Variants in USO1 observed in about 807,000 individuals in gnomAD.
The protein encoded by USO1 is general vesicular transport factor p115.
USO1 carries 57 observed loss-of-function variants against 124.5 expected under a neutral mutation model. The ratio of observed to expected loss-of-function variants is 0.46; its 90% CI spans 0.37 to 0.57. The LOEUF is 0.57. USO1 is among the 20% of genes least tolerant of loss of function. The probability of loss-of-function intolerance (pLI) is 0.00; values close to 1 mark genes in which losing one functional copy is unlikely to be tolerated. For missense variants in USO1, 900 were observed against 1,040.6 expected, an observed-to-expected ratio of 0.86 and a Z score of 1.86; for synonymous variants, 369 against 362.8, an observed-to-expected ratio of 1.02 and a Z score of -0.19.
At position 75,724,819 on chromosome 4, in the gene USO1, G is replaced by A; in HGVS notation, c.-1G>A. On this transcript the variant is annotated 5_prime_UTR_variant, in exon 1 of 24. Transcript: ENST00000514213. ...GGTAAACCTGGTGGCTGAACGGCAA[G>A]ATGAATTTCCTCCGCGGGGTAATGG... The A allele has an allele frequency of 1.9e-6, 3 of 1,613,924 alleles. No individual in the cohort carries two copies. Among genetic ancestry groups the A allele is most frequent in the South Asian group, 2.2e-5 (2 of 91,074 alleles).
chr4:75,812,292 C>T lies in USO1; in HGVS notation c.2716C>T (p.Gln906Ter). ...GGAAATTACAGATTCTAAAAAAGAACAAGATGATCTCTTGGTGCTCTTGGC... is the reference window on the plus strand; with the variant it reads ...GGAAATTACAGATTCTAAAAAAGAATAAGATGATCTCTTGGTGCTCTTGGC... The part of the protein sequence containing the change: ...ELEITDSKKE[Q>*]DDLLVLLADQ... The change falls in exon 23 of 24, where the codon CAA becomes TAA. Residue 906 changes from glutamine to a stop codon, truncating the protein, a stop_gained. Coordinates refer to ENST00000514213, the MANE Select transcript of USO1 (RefSeq NM_003715.4). LOFTEE classifies it high-confidence loss of function. 1.2e-6 allele frequency: 2 copies of T among 1,607,258 alleles called. No individual in the cohort carries two copies. The highest frequency in any genetic ancestry group is 1.7e-6 in the Non-Finnish European group (2 of 1,176,638).
chr4:75,770,701 TA>T, intron 5 of USO1, 120 bp from the exon 6 acceptor site: 2 of 790,106 alleles, frequency 2.5e-6, no homozygotes. Context: ...TGTAATCACT[TA>T]AAGTATGCTA....
intron 4 of USO1, among the ~76,000 whole-genome samples, chr4:75,763,057 C>A (rs80305880): frequency 2.2e-4 from 34 of 152,298 alleles, no homozygotes; most frequent in African/African-American, 7.2e-4. Context: ...AAAGCAATTT[C>A]TTTTCTTCAT....
chr4:75,753,304 C>A (rs1721340389), intron 3 of USO1, among the ~76,000 whole-genome samples: 1 of 151,890 alleles, frequency 6.6e-6, no homozygotes, highest in Non-Finnish European at 1.5e-5. Context: ...GAAGCCGAGG[C>A]AGGTGGATTA....
intron 1 of USO1, chr4:75,745,341 G>C (rs961110806): frequency 1.9e-6 from 1 of 519,858 alleles, no homozygotes; most frequent in South Asian, 1.4e-5. Flanking sequence ...GGCTTGTCAG[G>C]GTGTTTAGTA....
At chr4:75,807,196 A>G (rs750263590) in intron 20 of USO1, among the ~76,000 whole-genome samples, 2 of 152,166 alleles carry the variant, frequency 1.3e-5, no homozygotes, top group Non-Finnish European at 2.9e-5. Flanking sequence ...AAAAGAATCA[A>G]AAGAGAGAAA....
At position 75,787,092 on chromosome 4, in the gene USO1, C is replaced by T; in HGVS notation, c.886C>T (p.Pro296Ser). The change falls in exon 10 of 24, where the codon CCT (proline) becomes TCT (serine). Residue 296 changes from proline (P) to serine (S), a missense_variant. This residue lies in a region of USO1 where 538 missense variants were observed against 681.6 expected (regional missense o/e 0.79). Transcript: ENST00000514213. Reference protein sequence around the residue: ...LVRVLVSPTNPPGATSSCQKA... With the variant: ...LVRVLVSPTNSPGATSSCQKA... ...TCGTGTATTGGTATCTCCCACCAAC[C>T]CTCCTGGTGCTACCAGTAGCTGCCA... is the stretch of plus-strand genomic sequence containing the variant. 6.2e-7 allele frequency: 1 copy of T among 1,600,248 alleles called. No individual in the cohort carries two copies. Among genetic ancestry groups the T allele is most frequent in the South Asian group, 1.1e-5 (1 of 88,668 alleles).
At chr4:75,783,707 A>G (rs13110602) in intron 9 of USO1, among the ~76,000 whole-genome samples, 79,694 of 151,916 alleles carry the variant, frequency 0.52, 22,980 homozygotes, top group East Asian at 0.81. Context: ...TAGGACTGAT[A>G]ATTAGGGTAA....
chr4:75,761,908 A>G (rs1721618200), intron 4 of USO1, among the ~76,000 whole-genome samples: 2 of 152,194 alleles, frequency 1.3e-5, no homozygotes, highest in Non-Finnish European at 2.9e-5. Context: ...CTTGTTTGAC[A>G]TCAGATGATA....
intron 1 of USO1, chr4:75,725,095 C>T (rs1577915562): frequency 4.9e-6 from 3 of 609,680 alleles, no homozygotes; most frequent in South Asian, 2.0e-5. Flanking sequence ...TTCGGCCGGA[C>T]TGACGGCGGC....
At chr4:75,732,743 G>A (rs1297862010) in intron 1 of USO1, among the ~76,000 whole-genome samples, 1 of 151,618 alleles carries the variant, frequency 6.6e-6, no homozygotes, top group African/African-American at 2.4e-5. Context: ...TGGGCATGGT[G>A]GCACCTGTGC....
At chr4:75,790,345 T>C in intron 11 of USO1, 107 bp downstream of exon 11, 1 of 1,387,262 alleles carries the variant, frequency 7.2e-7, no homozygotes, top group African/African-American at 1.5e-5. Flanking sequence ...TAGTTGTATG[T>C]TTTGGAACTA....
Position 75,770,422 on chromosome 4 carries a change from A to C in USO1, c.296-17A>C, listed in dbSNP as rs1289258807. The C allele has an allele frequency of 7.3e-6, 11 of 1,510,192 alleles. No individual in the cohort carries two copies. The highest frequency in any genetic ancestry group is 9.7e-6 in the Non-Finnish European group (11 of 1,128,496). 93.5% of individuals were successfully genotyped at this position (1,510,192 alleles called of 1,614,324 possible). ...ACCTACTATTAAATTGAAATTCTTT[A>C]TTTTTGAATATTACAGAAGAAAATT... On this transcript the variant is annotated splice_polypyrimidine_tract_variant and intron_variant, in intron 4 of 23. Transcript: ENST00000514213.
intron 4 of USO1, among the ~76,000 whole-genome samples, chr4:75,765,088 A>G (rs1243867215): frequency 6.6e-6 from 1 of 152,202 alleles, no homozygotes; most frequent in Non-Finnish European, 1.5e-5. Context: ...CATGATTTTT[A>G]AAGTTATATA....
chr4:75,793,886 C>T lies in USO1; in HGVS notation c.1437C>T (p.Thr479=), dbSNP rs544263216. The part of the protein sequence containing the change: ...NPPVSLLQQC[T]NILSQGSKIQ... ...CAGTTTCTTTACTTCAACAGTGCAC[C>T]AATATTCTTTCACAGGTAAAGTTTT... The change falls in exon 13 of 24, where the codon ACC becomes ACT. Residue 479 remains threonine, a synonymous_variant. Coordinates refer to ENST00000514213, the MANE Select transcript of USO1 (RefSeq NM_003715.4). 2.5e-6 allele frequency: 4 copies of T among 1,613,730 alleles called. 1 individual carries two copies. The highest frequency in any genetic ancestry group is 4.5e-5 in the East Asian group (2 of 44,880).
chr4:75,771,155 A>C lies in USO1; in HGVS notation c.555+18A>C, dbSNP rs917228010. On this transcript the variant is annotated intron_variant, in intron 7 of 23. Coordinates refer to ENST00000514213, the MANE Select transcript of USO1 (RefSeq NM_003715.4). ...GTAATGATGTAAGTTAAATTTCAAA[A>C]AGAAATACAAAAATATGTGGCTTTT... The C allele has an allele frequency of 4.4e-6, 7 of 1,586,742 alleles. No individual in the cohort carries two copies. The South Asian group carries it at 8.2e-5, about 19-fold the overall frequency.
chr4:75,765,284 G>A (rs1420211674), intron 4 of USO1, among the ~76,000 whole-genome samples: 4 of 151,984 alleles, frequency 2.6e-5, no homozygotes, highest in African/African-American at 9.7e-5. Context: ...TTCCCAATGG[G>A]CCCTTTTTGT....
At chr4:75,747,308 GCT>G (rs1167309916) in intron 1 of USO1, among the ~76,000 whole-genome samples, 4 of 152,096 alleles carry the variant, frequency 2.6e-5, no homozygotes, top group Non-Finnish European at 5.9e-5. Context: ...GCAGGGTCTT[GCT>G]CTGTCATCCA....
chr4:75,800,828 G>A lies in USO1; in HGVS notation c.1864+29G>A, dbSNP rs1402848007. 5.0e-6 allele frequency: 8 copies of A among 1,593,504 alleles called. No individual in the cohort carries two copies. The Admixed American group carries it at 1.4e-4, about 28-fold the overall frequency. On this transcript the variant is annotated intron_variant, in intron 16 of 23. Coordinates refer to ENST00000514213, the MANE Select transcript of USO1 (RefSeq NM_003715.4). ...AGACTGAAGATTTATATTGATATTT[G>A]ATGGAAAGTAATTATATTTATATTG...
Sources: gnomAD v4.1 joint callset for allele counts (sites outside exome capture counted in the v4.1 genomes callset) on GRCh38, gnomAD v4.1.1 for gene constraint, gnomAD v4.1.1 regional missense constraint, MANE v1.5 for transcripts, NCBI Gene and HGNC (gene_info 2026-07-23, HGNC 2026-07-21) for gene names.